The following CACNA2D3 variants were observed in gnomAD, a reference collection of about 807,000 sequenced individuals.
CACNA2D3 encodes calcium voltage-gated channel auxiliary subunit alpha2delta 3.
CACNA2D3 carries 60 observed loss-of-function variants against 160.6 expected under a neutral mutation model. The ratio of observed to expected loss-of-function variants is 0.37; its 90% confidence interval spans 0.30 to 0.46. The LOEUF is 0.46. CACNA2D3 is among the 20% of genes least tolerant of loss of function. CACNA2D3 has a pLI of 1.00. For missense variants in CACNA2D3, 1,205 were observed against 1,365.0 expected (o/e 0.88, Z 1.85); for synonymous variants, 558 against 492.9 (o/e 1.13, Z -1.75).
At chr3:54,179,127 G>A (rs935444101) in intron 2 of CACNA2D3, among the ~76,000 whole-genome samples, 1 of 152,178 alleles carries the variant, frequency 6.6e-6, no homozygotes, top group Admixed American at 6.5e-5. Flanking sequence ...AAGGTCCTGT[G>A]ACCCTCATCA....
intron 10 of CACNA2D3, among the ~76,000 whole-genome samples, chr3:54,640,519 C>G (rs920156288): frequency 1.5e-4 from 23 of 152,312 alleles, no homozygotes; most frequent in African/African-American, 5.5e-4. Flanking sequence ...TTCAGTCACT[C>G]TAGCTGCCTA....
chr3:54,443,436 A>G (rs1313754119), intron 4 of CACNA2D3, among the ~76,000 whole-genome samples: 1 of 152,154 alleles, frequency 6.6e-6, no homozygotes, highest in Non-Finnish European at 1.5e-5. Context: ...GGCAGGTTGC[A>G]GTTTCTGTAT....
intron 11 of CACNA2D3, among the ~76,000 whole-genome samples, chr3:54,689,867 G>A (rs1700541090): frequency 6.6e-6 from 1 of 152,086 alleles, no homozygotes; most frequent in Non-Finnish European, 1.5e-5. Flanking sequence ...TAAAATGCAT[G>A]TTAGCTCATG....
At chr3:54,195,094 A>T (rs1369680149) in intron 2 of CACNA2D3, among the ~76,000 whole-genome samples, 1 of 152,180 alleles carries the variant, frequency 6.6e-6, no homozygotes, top group East Asian at 1.9e-4. Flanking sequence ...CTCGGAGGGC[A>T]TCCAAATTAT....
At chr3:54,590,231 AC>A (rs1342840987) in intron 9 of CACNA2D3, among the ~76,000 whole-genome samples, 1 of 152,222 alleles carries the variant, frequency 6.6e-6, no homozygotes, top group Non-Finnish European at 1.5e-5. Flanking sequence ...AATTAAAAAA[AC>A]AACAGCAATC....
chr3:54,987,867 G>T (rs1702650859), intron 31 of CACNA2D3, 114 bp downstream of exon 31: 2 of 652,588 alleles, frequency 3.1e-6, no homozygotes, highest in Admixed American at 6.8e-5. Flanking sequence ...GTTTTTACTT[G>T]TGTTCATGCT....
intron 17 of CACNA2D3, among the ~76,000 whole-genome samples, chr3:54,868,224 T>A (rs979031636): frequency 1.3e-5 from 2 of 152,236 alleles, no homozygotes; most frequent in African/African-American, 4.8e-5. Context: ...GCTGCATGAC[T>A]GTTTATATTC....
chr3:54,868,900 G>A (rs1275559958), intron 17 of CACNA2D3, among the ~76,000 whole-genome samples: 2 of 152,152 alleles, frequency 1.3e-5, no homozygotes, highest in Non-Finnish European at 2.9e-5. Context: ...ATATTTTACT[G>A]TGCCTGGGAA....
chr3:54,211,544 C>T (rs968463737), intron 2 of CACNA2D3, among the ~76,000 whole-genome samples: 1 of 152,162 alleles, frequency 6.6e-6, no homozygotes, highest in Non-Finnish European at 1.5e-5. Flanking sequence ...GCAGTTAATA[C>T]CCCTACCTTG....
intron 13 of CACNA2D3, among the ~76,000 whole-genome samples, chr3:54,770,645 C>T (rs1310896861): frequency 2.0e-5 from 3 of 152,130 alleles, no homozygotes; most frequent in Non-Finnish European, 2.9e-5. Context: ...TGCCTGTCGC[C>T]CACAGCACCC....
At chr3:54,492,762 T>G (rs1467839611) in intron 4 of CACNA2D3, among the ~76,000 whole-genome samples, 1 of 152,168 alleles carries the variant, frequency 6.6e-6, no homozygotes, top group African/African-American at 2.4e-5. Context: ...TAAACTCAGC[T>G]CTCCCTGTAT....
At chr3:54,546,180 G>A (rs1702061730) in intron 5 of CACNA2D3, among the ~76,000 whole-genome samples, 2 of 152,230 alleles carry the variant, frequency 1.3e-5, no homozygotes, top group South Asian at 4.1e-4. Context: ...GGAAGAACCT[G>A]AGCATGGAGG....
At chr3:54,950,090 G>C (rs1701718712) in intron 27 of CACNA2D3, among the ~76,000 whole-genome samples, 1 of 152,190 alleles carries the variant, frequency 6.6e-6, no homozygotes, top group African/African-American at 2.4e-5. Flanking sequence ...CCTGAAAAAA[G>C]GGCGAAGTCT....
intron 26 of CACNA2D3, among the ~76,000 whole-genome samples, chr3:54,898,757 C>T (rs553569260): frequency 6.6e-6 from 1 of 152,280 alleles, no homozygotes; most frequent in East Asian, 1.9e-4. Flanking sequence ...GGGATTTTCA[C>T]CAAACTTTCA....
At position 54,429,768 on chromosome 3, in the gene CACNA2D3, G is replaced by A. The variant is rs920802475; in HGVS notation, c.381+42994G>A. 2.6e-5 allele frequency among the ~76,000 whole-genome samples: 4 copies of A among 152,166 alleles called. 1 individual carries two copies. The highest frequency in any genetic ancestry group is 4.2e-4 in the South Asian group (2 of 4,812). On this transcript the variant is annotated intron_variant, in intron 4 of 37. Transcript: ENST00000474759. ...TTGTCTTTTGCCACAGATTTTTCTC[G>A]GATGTTGGAATAGCATTCACTTGAG...
intron 2 of CACNA2D3, among the ~76,000 whole-genome samples, chr3:54,253,606 T>G (rs2107428265): frequency 6.6e-6 from 1 of 152,174 alleles, no homozygotes. Context: ...GACGTGAGAT[T>G]TGGGTGGGAC....
At chr3:54,356,979 T>G (rs1021964751) in intron 3 of CACNA2D3, among the ~76,000 whole-genome samples, 1 of 152,184 alleles carries the variant, frequency 6.6e-6, no homozygotes, top group African/African-American at 2.4e-5. Flanking sequence ...GCCTTTGTTT[T>G]GTCATTTAAG....
intron 9 of CACNA2D3, among the ~76,000 whole-genome samples, chr3:54,591,587 T>TTC (rs1553741914): frequency 2.0e-4 from 30 of 150,010 alleles, no homozygotes; most frequent in African/African-American, 3.5e-4. Flanking sequence ...TTTTTTTTTT[T>TTC]CACATCACTA....
At chr3:54,361,982 G>A (rs774136352) in intron 3 of CACNA2D3, among the ~76,000 whole-genome samples, 1 of 152,192 alleles carries the variant, frequency 6.6e-6, no homozygotes, top group African/African-American at 2.4e-5. Context: ...CAACATGAGC[G>A]TTAACAGCTC....
Sources: gnomAD v4.1 joint callset for allele counts (sites outside exome capture counted in the v4.1 genomes callset) on GRCh38, gnomAD v4.1.1 for gene constraint, MANE v1.5 for transcripts, NCBI Gene and HGNC (gene_info 2026-07-23, HGNC 2026-07-21) for gene names.